The following ST18 variants were observed in gnomAD, a reference collection of about 807,000 sequenced individuals.
ST18 encodes ST18 C2H2C-type zinc finger transcription factor, also known as suppression of tumorigenicity 18 protein.
A neutral mutation model predicts 110.0 loss-of-function variants in ST18; 50 were observed. The ratio of observed to expected loss-of-function variants is 0.45; its 90% CI spans 0.36 to 0.58. The LOEUF (loss-of-function observed/expected upper bound fraction) is 0.58, where lower values mean the gene tolerates loss of function less well. ST18 is among the 20% of genes least tolerant of loss of function. The pLI is 0.00. For missense variants in ST18, 1,306 were observed against 1,280.1 expected, an observed-to-expected ratio of 1.02 and a Z score of -0.31; for synonymous variants, 461 against 452.4, an observed-to-expected ratio of 1.02 and a Z score of -0.24.
intron 2 of ST18, among the ~76,000 whole-genome samples, chr8:52,366,813 C>T (rs1377580431): frequency 6.6e-6 from 1 of 152,178 alleles, no homozygotes; most frequent in Non-Finnish European, 1.5e-5. Flanking sequence ...GTAATGTAAA[C>T]CCCATGAGTT....
chr8:52,297,754 A>G (rs2095656933), intron 2 of ST18, among the ~76,000 whole-genome samples: 1 of 152,340 alleles, frequency 6.6e-6, no homozygotes, highest in Non-Finnish European at 1.5e-5. Context: ...TAATCAGTCA[A>G]ATGGCAAAGA....
intron 19 of ST18, 146 bp downstream of exon 19, chr8:52,136,444 C>A (rs1287647432): frequency 1.4e-6 from 1 of 712,110 alleles, no homozygotes; most frequent in Middle Eastern, 3.5e-4. Flanking sequence ...GTCATCCCAG[C>A]GCTTTAGTCA....
At chr8:52,305,138 T>C (rs1353971470) in intron 2 of ST18, among the ~76,000 whole-genome samples, 2 of 152,216 alleles carry the variant, frequency 1.3e-5, no homozygotes, top group Admixed American at 1.3e-4. Flanking sequence ...GGACAGTCCT[T>C]AGTCCAATGT....
intron 2 of ST18, among the ~76,000 whole-genome samples, chr8:52,330,919 G>A (rs1374021014): frequency 2.6e-5 from 4 of 152,196 alleles, no homozygotes; most frequent in African/African-American, 9.6e-5. Context: ...CAGAAAAAGA[G>A]AGCCACAGAG....
At chr8:52,115,659 G>A (rs2042260377) in intron 25 of ST18, among the ~76,000 whole-genome samples, 1 of 152,166 alleles carries the variant, frequency 6.6e-6, no homozygotes, top group Non-Finnish European at 1.5e-5. Flanking sequence ...ACTGTATGAT[G>A]TTCACACAAC....
chr8:52,286,013 AT>A (rs1238038960), intron 2 of ST18, among the ~76,000 whole-genome samples: 1 of 152,144 alleles, frequency 6.6e-6, no homozygotes, highest in Non-Finnish European at 1.5e-5. Context: ...GATTCCAGAC[AT>A]TTATTTTTTT....
intron 2 of ST18, among the ~76,000 whole-genome samples, chr8:52,385,544 G>T (rs1422235246): frequency 6.7e-6 from 1 of 149,682 alleles, no homozygotes; most frequent in African/African-American, 2.5e-5. Context: ...AGGTTGCAGT[G>T]AGCCAAGATC....
rs150435085 is a variant in ST18, at chr8:52,349,226, C to G, written c.-465+60102G>C. On this transcript the variant is annotated intron_variant, in intron 2 of 25. Coordinates refer to ENST00000689386, the MANE Select transcript of ST18 (RefSeq NM_001352837.2). ...TCTTCTTTGCCTTTTATCCTTCCCACTGGTGGAGACGTGGTAGACAGCCTG... is the reference window on the plus strand; with the variant it reads ...TCTTCTTTGCCTTTTATCCTTCCCAGTGGTGGAGACGTGGTAGACAGCCTG... 6.6e-4 allele frequency among the ~76,000 whole-genome samples: 100 copies of G among 152,284 alleles called. No individual in the cohort carries two copies. The East Asian group carries it at 0.014, about 21-fold the overall frequency.
At chr8:52,286,958 G>A (rs2095480490) in intron 2 of ST18, among the ~76,000 whole-genome samples, 1 of 151,990 alleles carries the variant, frequency 6.6e-6, no homozygotes, top group African/African-American at 2.4e-5. Flanking sequence ...ATACAGGTGT[G>A]CTCAAGTTTG....
chr8:52,309,251 T>C (rs373426661), intron 2 of ST18, among the ~76,000 whole-genome samples: 5 of 152,316 alleles, frequency 3.3e-5, no homozygotes, highest in East Asian at 1.9e-4. Flanking sequence ...CCAGGCATGG[T>C]AGCTCACACC....
At chr8:52,367,163 T>A (rs1334719913) in intron 2 of ST18, among the ~76,000 whole-genome samples, 1 of 147,624 alleles carries the variant, frequency 6.8e-6, no homozygotes, top group Non-Finnish European at 1.5e-5. Context: ...ATCCGGGAGG[T>A]AGAGGCGGAG....
chr8:52,167,486 T>C (rs1231881079), intron 10 of ST18, among the ~76,000 whole-genome samples: 1 of 152,234 alleles, frequency 6.6e-6, no homozygotes, highest in Non-Finnish European at 1.5e-5. Flanking sequence ...CAGAGCCTGC[T>C]CCCTGCAGAG....
At chr8:52,277,174 G>A (rs771466631) in intron 2 of ST18, among the ~76,000 whole-genome samples, 19 of 152,148 alleles carry the variant, frequency 1.2e-4, no homozygotes, top group East Asian at 5.8e-4. Flanking sequence ...GAGAGGCCTC[G>A]GGAGCCGCAG....
intron 8 of ST18, among the ~76,000 whole-genome samples, chr8:52,210,769 C>T (rs2081919406): frequency 6.6e-6 from 1 of 152,078 alleles, no homozygotes; most frequent in African/African-American, 2.4e-5. Flanking sequence ...CTGACAAATT[C>T]CACAGAGAAG....
At chr8:52,144,931 T>C (rs1040773637) in intron 16 of ST18, among the ~76,000 whole-genome samples, 2 of 152,136 alleles carry the variant, frequency 1.3e-5, no homozygotes, top group African/African-American at 4.8e-5. Context: ...CCTATCTGGA[T>C]TTGGCCTGAG....
intron 9 of ST18, among the ~76,000 whole-genome samples, chr8:52,178,713 G>A (rs1216199754): frequency 2.2e-5 from 3 of 133,616 alleles, no homozygotes; most frequent in Admixed American, 7.4e-5. Flanking sequence ...AACAAATAAA[G>A]TTGATCAGTT....
At chr8:52,255,621 C>T (rs1339891686) in intron 2 of ST18, among the ~76,000 whole-genome samples, 2 of 152,108 alleles carry the variant, frequency 1.3e-5, no homozygotes, top group African/African-American at 4.8e-5. Flanking sequence ...ATTTTTAAAA[C>T]TTCAAGTCTA....
intron 2 of ST18, among the ~76,000 whole-genome samples, chr8:52,304,567 T>C (rs907472519): frequency 1.3e-5 from 2 of 152,248 alleles, no homozygotes; most frequent in African/African-American, 4.8e-5. Context: ...AAATGATGTT[T>C]ATCATATCAA....
chr8:52,289,429 G>A (rs566358204), intron 2 of ST18, among the ~76,000 whole-genome samples: 4 of 152,222 alleles, frequency 2.6e-5, no homozygotes, highest in South Asian at 2.1e-4. Context: ...CTCCAGCCTC[G>A]GGGACAGATC....
Sources: gnomAD v4.1 joint callset for allele counts (sites outside exome capture counted in the v4.1 genomes callset) on GRCh38, gnomAD v4.1.1 for gene constraint, MANE v1.5 for transcripts, NCBI Gene and HGNC (gene_info 2026-07-23, HGNC 2026-07-21) for gene names.